The following CTSB variants were observed in gnomAD, a reference collection of about 807,000 sequenced individuals.
The protein encoded by CTSB is cathepsin B.
Under a neutral mutation model 44.3 loss-of-function variants are expected in CTSB, and 57 were observed. The ratio of observed to expected loss-of-function variants is 1.29; its 90% CI spans 1.04 to 1.60. The LOEUF (loss-of-function observed/expected upper bound fraction) is 1.60. Among genes scored for constraint, CTSB ranks in the 40% most tolerant of loss-of-function variants. CTSB has a pLI of 0.00. For missense variants in CTSB, 768 were observed against 443.0 expected (o/e 1.73, Z -6.59); for synonymous variants, 320 against 168.0 (o/e 1.91, Z -7.00).
rs577072479 is a variant in CTSB, at chr8:11,844,992, G to C, written c.*133C>G. On this transcript the variant is annotated 3_prime_UTR_variant, in exon 10 of 10. Coordinates refer to ENST00000353047, the MANE Select transcript of CTSB (RefSeq NM_001908.5). ...TAGCCAGGACTTGGTCTCCTTGGAA[G>C]ACAGGTCTGATGTTTGGCCAATCCA... The C allele has an allele frequency of 2.1e-5, 14 of 657,748 alleles. No individual in the cohort carries two copies. The African/African-American group carries it at 2.3e-4, about 11-fold the overall frequency. 40.7% of individuals were successfully genotyped at this position (657,748 alleles called of 1,614,324 possible).
Position 11,845,679 on chromosome 8 carries a change from T to A in CTSB, c.904A>T (p.Thr302Ser). 6.2e-7 allele frequency: 1 copy of A among 1,613,688 alleles called. No homozygotes were observed. Among genetic ancestry groups the A allele is most frequent in the Non-Finnish European group, 8.5e-7 (1 of 1,179,660 alleles). Residue 302 changes from threonine (T) to serine (S), a missense_variant, in exon 9 of 10, where the codon ACT becomes TCT. By Grantham distance (58) the Thr-to-Ser change is moderately conservative. Transcript: ENST00000353047. ...PYWLVANSWNTDWGDNGFFKI... is the reference protein window; with the variant it reads ...PYWLVANSWNSDWGDNGFFKI... ...CACTCACCATTGTCACCCCAGTCAGTGTTCCAGGAGTTGGCAACCAGCCAG... is the reference window on the plus strand; with the variant it reads ...CACTCACCATTGTCACCCCAGTCAGAGTTCCAGGAGTTGGCAACCAGCCAG...
At chr8:11,860,735 G>C (rs565946993) in intron 1 of CTSB, among the ~76,000 whole-genome samples, 4 of 152,350 alleles carry the variant, frequency 2.6e-5, no homozygotes, top group African/African-American at 9.6e-5. Flanking sequence ...AAGAGCACGG[G>C]AACAGTGGAA....
intron 4 of CTSB, among the ~76,000 whole-genome samples, chr8:11,849,778 A>G (rs1184431206): frequency 6.6e-6 from 1 of 151,526 alleles, no homozygotes; most frequent in African/African-American, 2.4e-5. Context: ...ACAGGGTTTC[A>G]CCATGTTGGC....
rs1482008001 is a variant in CTSB, at chr8:11,844,085, A to G, written c.*1040T>C. On this transcript the variant is annotated 3_prime_UTR_variant, in exon 10 of 10. Transcript: ENST00000353047. ...CAGCTATGTTTTGAGTTCTTAAGCA[A>G]GGGCAAGCTTACCAGGCACTTACAG... 1.3e-5 allele frequency: 2 copies of G among 152,230 alleles called. No homozygotes were observed. The highest frequency in any genetic ancestry group is 2.9e-5 in the Non-Finnish European group (2 of 68,052). The allele number at this position is 152,230 out of a possible 1,614,324, so 9.4% of individuals were successfully genotyped here. A position where few individuals can be genotyped will look rare whatever the true frequency, so the allele number is the denominator to read the frequency against.
chr8:11,864,785 A>C (rs982237869), intron 1 of CTSB, among the ~76,000 whole-genome samples: 1 of 151,916 alleles, frequency 6.6e-6, no homozygotes, highest in Non-Finnish European at 1.5e-5. Context: ...ATGGTGGTGC[A>C]TGCCTCTAAT....
chr8:11,849,211 G>A (rs769275679), intron 4 of CTSB, 47 bp from the exon 5 acceptor site: 3 of 1,514,166 alleles, frequency 2.0e-6, no homozygotes, highest in Non-Finnish European at 2.7e-6. Flanking sequence ...TCCGGGCTGG[G>A]CCCTCTGCAG....
At chr8:11,865,095 G>C (rs1436645184) in intron 1 of CTSB, among the ~76,000 whole-genome samples, 1 of 152,126 alleles carries the variant, frequency 6.6e-6, no homozygotes, top group Non-Finnish European at 1.5e-5. Flanking sequence ...CTGCCACCCT[G>C]ATATCCCAGA....
chr8:11,848,940 C>A (rs543651957), intron 5 of CTSB, 106 bp downstream of exon 5: 3 of 775,810 alleles, frequency 3.9e-6, no homozygotes, highest in East Asian at 5.4e-5. Context: ...CGAAACACTT[C>A]TGACTCGCAG....
intron 1 of CTSB, among the ~76,000 whole-genome samples, chr8:11,867,045 G>A (rs1197496085): frequency 6.6e-6 from 1 of 152,196 alleles, no homozygotes; most frequent in Non-Finnish European, 1.5e-5. Flanking sequence ...CCGTTAGGAG[G>A]AGGAGTGTGG....
intron 7 of CTSB, among the ~76,000 whole-genome samples, 170 bp from the exon 8 acceptor site, chr8:11,847,338 G>A (rs1490340215): frequency 6.6e-6 from 1 of 152,160 alleles, no homozygotes; most frequent in Admixed American, 6.5e-5. Flanking sequence ...CTAAGGACAG[G>A]GCTGGGGCTG....
chr8:11,858,474 G>C (rs1027984969), intron 1 of CTSB, among the ~76,000 whole-genome samples: 1 of 152,024 alleles, frequency 6.6e-6, no homozygotes, highest in Non-Finnish European at 1.5e-5. Flanking sequence ...ATTTTTTGTA[G>C]AGATGGGGTT....
In CTSB at chr8:11,867,984, G is replaced by A. The variant is rs1817427312; in HGVS notation, c.-26+17C>T. 6.6e-6 allele frequency: 1 copy of A among 152,146 alleles called. No individual in the cohort carries two copies. The highest frequency in any genetic ancestry group is 2.4e-5 in the African/African-American group (1 of 41,412). 9.4% of individuals were successfully genotyped at this position (152,146 alleles called of 1,614,324 possible). ...AGGTCACTTACGCTGCGGTGGCCCCGGGTCCCCAGCACTCACCCAGCGCTG... is the reference window on the plus strand; with the variant it reads ...AGGTCACTTACGCTGCGGTGGCCCCAGGTCCCCAGCACTCACCCAGCGCTG... On this transcript the variant is annotated intron_variant, in intron 1 of 9. Transcript: ENST00000353047.
intron 1 of CTSB, chr8:11,857,733 C>A: frequency 6.6e-6 from 1 of 152,632 alleles, no homozygotes; most frequent in Non-Finnish European, 1.5e-5. Context: ...TTCCCAGGCC[C>A]TCCCACACCT....
At chr8:11,856,296 T>C (rs1339179959) in intron 1 of CTSB, among the ~76,000 whole-genome samples, 2 of 151,838 alleles carry the variant, frequency 1.3e-5, no homozygotes, top group Non-Finnish European at 2.9e-5. Context: ...AACTGTTAAA[T>C]TACGGTAAGT....
intron 1 of CTSB, among the ~76,000 whole-genome samples, chr8:11,854,425 G>C (rs1815169859): frequency 6.6e-6 from 1 of 152,046 alleles, no homozygotes; most frequent in Admixed American, 6.5e-5. Flanking sequence ...CTTCATTGTT[G>C]CTTAAGCAAC....
intron 5 of CTSB, chr8:11,848,589 G>C (rs1195660245): frequency 6.1e-6 from 2 of 329,630 alleles, no homozygotes; most frequent in Non-Finnish European, 6.0e-6. Context: ...CAGGCATTTC[G>C]GATCTGCAGC....
intron 1 of CTSB, chr8:11,864,348 G>T (rs1040212603): frequency 2.0e-5 from 3 of 148,716 alleles, no homozygotes; most frequent in Admixed American, 6.8e-5. Flanking sequence ...AAAAAACCTG[G>T]GCACCGCCTG....
chr8:11,848,522 G>A (rs1265963003), intron 5 of CTSB: 6 of 375,878 alleles, frequency 1.6e-5, no homozygotes, highest in East Asian at 6.4e-5. Context: ...AATGAGAATC[G>A]CCAGTGATTC....
intron 8 of CTSB, among the ~76,000 whole-genome samples, 165 bp from the exon 9 acceptor site, chr8:11,845,954 TTAAA>T (rs1813244641): frequency 6.6e-6 from 1 of 152,216 alleles, no homozygotes; most frequent in African/African-American, 2.4e-5. Flanking sequence ...TACTGGGGAA[TTAAA>T]TATATTTTTG....
Sources: gnomAD v4.1 joint callset for allele counts (sites outside exome capture counted in the v4.1 genomes callset) on GRCh38, gnomAD v4.1.1 for gene constraint, MANE v1.5 for transcripts, NCBI Gene and HGNC (gene_info 2026-07-23, HGNC 2026-07-21) for gene names.